FBXW12: variants seen among roughly 807,000 people sequenced by gnomAD.
The protein encoded by FBXW12 is F-box/WD repeat-containing protein 12.
In FBXW12, 43 loss-of-function variants were observed where a neutral mutation model predicts 55.3. The ratio of observed to expected loss-of-function variants is 0.78; its 90% CI spans 0.61 to 1.00. FBXW12 has a LOEUF of 1.00. Ranked by LOEUF, FBXW12 falls within the 50% of genes least tolerant of loss-of-function variation. FBXW12 has a pLI of 0.00. For synonymous variants in FBXW12, 184 were observed against 203.8 expected, an observed-to-expected ratio of 0.90 and a Z score of 0.83; for missense variants, 524 against 560.5, an observed-to-expected ratio of 0.93 and a Z score of 0.66.
intron 3 of FBXW12, 79 bp from the exon 4 acceptor site, chr3:48,373,468 AG>A: frequency 6.2e-7 from 1 of 1,604,492 alleles, no homozygotes; most frequent in South Asian, 1.1e-5. Flanking sequence ...TAGTGTGAGT[AG>A]GGGGTTGTGA....
At chr3:48,372,655 A>C (rs754699496) in intron 1 of FBXW12, 29 bp from the exon 2 acceptor site, 47 of 1,594,510 alleles carry the variant, frequency 2.9e-5, no homozygotes, top group Non-Finnish European at 3.9e-5. Flanking sequence ...TACCGCACAC[A>C]GATGGGCATG....
chr3:48,389,522 G>T (rs1294410505), intron 10 of FBXW12, among the ~76,000 whole-genome samples: 1 of 152,108 alleles, frequency 6.6e-6, no homozygotes, highest in Non-Finnish European at 1.5e-5. Flanking sequence ...GGAATTACAG[G>T]CATGTGTCAC....
intron 8 of FBXW12, 56 bp from the exon 9 acceptor site, chr3:48,381,644 G>C (rs897801331): frequency 1.4e-6 from 2 of 1,480,728 alleles, no homozygotes; most frequent in African/African-American, 2.8e-5. Flanking sequence ...TCAATGACCT[G>C]ATCTTTACTT....
rs1329845665 is a variant in FBXW12, at chr3:48,375,383, G to A, written c.316G>A (p.Gly106Arg). 3.1e-6 allele frequency: 5 copies of A among 1,612,140 alleles called. No individual in the cohort carries two copies. The highest frequency in any genetic ancestry group is 2.2e-5 in the South Asian group (2 of 90,668). ...TGAGACGGAGTTGGCTTATCTCTCA[G>A]GAAATAGACTTACAGTGGATGAACA... ...AFETELAYLS[G>R]NRLTVDEQEK... is the part of the protein sequence containing the mutation. The change falls in exon 5 of 11, where the codon GGA (glycine) becomes AGA (arginine). Residue 106 changes from glycine (G) to arginine (R), a missense_variant. Coordinates refer to ENST00000296438, the MANE Select transcript of FBXW12 (RefSeq NM_207102.2).
chr3:48,381,022 G>GTTT (rs11378351), intron 8 of FBXW12, 110 bp downstream of exon 8: 3,792 of 569,874 alleles, frequency 6.7e-3, no homozygotes, highest in South Asian at 9.9e-3. Context: ...GGGATTTCTA[G>GTTT]TTTTTTTTTT....
intron 10 of FBXW12, among the ~76,000 whole-genome samples, chr3:48,393,953 ATT>A (rs1402917729): frequency 1.3e-5 from 2 of 151,396 alleles, no homozygotes; most frequent in Non-Finnish European, 2.9e-5. Context: ...AATTTTTTGT[ATT>A]TTTAGTAGAG....
intron 10 of FBXW12, among the ~76,000 whole-genome samples, chr3:48,388,837 A>G (rs1479056818): frequency 1.3e-5 from 2 of 152,228 alleles, no homozygotes; most frequent in African/African-American, 2.4e-5. Flanking sequence ...TAACTTATCC[A>G]TCACTTCAAA....
In FBXW12 at chr3:48,394,625, C is replaced by G; in HGVS notation, c.1361C>G (p.Ser454Cys). 6.2e-7 allele frequency: 1 copy of G among 1,604,550 alleles called. No individual in the cohort carries two copies. The change falls in exon 11 of 11, where the codon TCC becomes TGC. Residue 454 changes from serine to cysteine, a missense_variant. By Grantham distance (112) the Ser-to-Cys change is moderately radical. Coordinates refer to ENST00000296438, the MANE Select transcript of FBXW12 (RefSeq NM_207102.2). ...CTTAGGGTGAGGAAAGTAAGTGACT[C>G]CAGCATTCTGGTGATGTATTCTTTG... ...IVLRVRKVSD[S>C]SILVMYSLNT
intron 10 of FBXW12, among the ~76,000 whole-genome samples, chr3:48,385,338 TTGTGTGTGTGTGTGTGTGTGTGTG>T (rs60689779): frequency 6.7e-6 from 1 of 148,884 alleles, no homozygotes; most frequent in African/African-American, 2.5e-5. Flanking sequence ...TGGTATTCCA[TTGTGTGTGTGTGTGTGTGTGTGTG>T]TGTGTGTGTA....
chr3:48,387,920 A>AAT (rs898951103), intron 10 of FBXW12, among the ~76,000 whole-genome samples: 21 of 152,134 alleles, frequency 1.4e-4, no homozygotes, highest in Non-Finnish European at 2.9e-4. Flanking sequence ...CTCTTTTTAA[A>AAT]ATATAAGCAT....
chr3:48,372,246 T>G lies in FBXW12; in HGVS notation c.-159T>G. ...CTTTCTCCTCCACTGCAAAGTTAAA[T>G]GCGAGAAGGTAGAAACCCAGAGGCC... On this transcript the variant is annotated 5_prime_UTR_variant, in exon 1 of 11. It removes an upstream start codon present in the reference 5' UTR. Transcript: ENST00000296438. 1 of 1,551,556 alleles carries G rather than the reference T, an allele frequency of 6.4e-7. No individual in the cohort carries two copies. Among genetic ancestry groups the G allele is most frequent in the Non-Finnish European group, 8.7e-7 (1 of 1,146,752 alleles).
Position 48,373,529 on chromosome 3 carries a change from A to T in FBXW12, c.129-19A>T. The T allele has an allele frequency of 1.2e-6, 2 of 1,611,124 alleles. No homozygotes were observed. Among genetic ancestry groups the T allele is most frequent in the Non-Finnish European group, 1.7e-6 (2 of 1,177,544 alleles). On this transcript the variant is annotated intron_variant, in intron 3 of 10. Transcript: ENST00000296438. ...AACTGACTGAGAACAGCCTGATGGGACTGTGACTCTGTTTCCAGGTCACTA... is the reference window on the plus strand; with the variant it reads ...AACTGACTGAGAACAGCCTGATGGGTCTGTGACTCTGTTTCCAGGTCACTA...
rs371160895 is a variant in FBXW12, at chr3:48,373,597, C to G, written c.178C>G (p.Leu60Val). ...CTGCAGCAACTTCACCAATCAACACCTGGGCACACACACATGGAAGCAATT... is the reference window on the plus strand; with the variant it reads ...CTGCAGCAACTTCACCAATCAACACGTGGGCACACACACATGGAAGCAATT... ...WDCSNFTNQH[L>V]GTHTWKQFFL... is the part of the protein sequence containing the mutation. Residue 60 changes from leucine (L) to valine (V), a missense_variant, in exon 4 of 11, where the codon CTG (leucine) becomes GTG (valine). Transcript: ENST00000296438. The G allele has an allele frequency of 1.2e-6, 2 of 1,614,036 alleles. No individual in the cohort carries two copies. Among genetic ancestry groups the G allele is most frequent in the African/African-American group, 2.7e-5 (2 of 74,912 alleles).
chr3:48,374,052 C>A (rs142135218), intron 4 of FBXW12, among the ~76,000 whole-genome samples: 5 of 152,212 alleles, frequency 3.3e-5, no homozygotes, highest in Non-Finnish European at 7.4e-5. Context: ...GGCACAGTGG[C>A]TCATGCCTGT....
chr3:48,389,245 T>C (rs2036886589), intron 10 of FBXW12, among the ~76,000 whole-genome samples: 2 of 152,212 alleles, frequency 1.3e-5, no homozygotes, highest in Admixed American at 6.5e-5. Flanking sequence ...GTTTTTTACT[T>C]GAGTTGTTTA....
chr3:48,388,425 A>G (rs2036876154), intron 10 of FBXW12, among the ~76,000 whole-genome samples: 1 of 152,122 alleles, frequency 6.6e-6, no homozygotes, highest in Non-Finnish European at 1.5e-5. Context: ...TGTATTTTGC[A>G]GCTCTGTAAC....
Position 48,379,553 on chromosome 3 carries a change from CCA to C in FBXW12, c.772_773del (p.Gln258GlyfsTer24). ...FACGTYSRTL[P>X]QVFLTESLLR... ...ATGTGGGACATACAGTCGTACCTTGCCACAGGTAGGTGCTGTTCTGTGTATTT... is the reference window on the plus strand; with the variant it reads ...ATGTGGGACATACAGTCGTACCTTGCCAGGTAGGTGCTGTTCTGTGTATTT... On this transcript the variant is annotated frameshift_variant, in exon 7 of 11. Transcript: ENST00000296438. LOFTEE classifies it high-confidence loss of function. 5 of 1,613,600 alleles carry C rather than the reference CCA, an allele frequency of 3.1e-6. No homozygotes were observed. The highest frequency in any genetic ancestry group is 4.2e-6 in the Non-Finnish European group (5 of 1,179,540).
chr3:48,379,460 A>G lies in FBXW12; in HGVS notation c.676A>G (p.Lys226Glu). Reference sequence around the variant, plus strand: ...ACTGCCTGGGTTAAGAGATGTTTCTAAAGTTACTGCATTTCAATATGGTAT... The same window carrying G: ...ACTGCCTGGGTTAAGAGATGTTTCTGAAGTTACTGCATTTCAATATGGTAT... Reference protein sequence around the residue: ...FTLPGLRDVSKVTAFQYGIVL... With the variant: ...FTLPGLRDVSEVTAFQYGIVL... The change falls in exon 7 of 11, where the codon AAA (lysine) becomes GAA (glutamate). Residue 226 changes from lysine (K) to glutamate (E), a missense_variant. Coordinates refer to ENST00000296438, the MANE Select transcript of FBXW12 (RefSeq NM_207102.2). 1 of 1,614,148 alleles carries G rather than the reference A, an allele frequency of 6.2e-7. No individual in the cohort carries two copies. Among genetic ancestry groups the G allele is most frequent in the Non-Finnish European group, 8.5e-7 (1 of 1,179,950 alleles).
intron 7 of FBXW12, chr3:48,380,133 T>TAA (rs530803807): frequency 0.059 from 8,288 of 141,630 alleles, 277 homozygotes; most frequent in African/African-American, 0.079. Flanking sequence ...CCCTACCTCT[T>TAA]AAAAAAAAAA....
Sources: allele counts gnomAD v4.1 joint callset (sites outside exome capture counted in the v4.1 genomes callset), GRCh38; gene constraint gnomAD v4.1.1; transcripts MANE v1.5; gene names NCBI Gene and HGNC (gene_info 2026-07-23, HGNC 2026-07-21).